The following TENM4 variants were observed in gnomAD, a reference collection of about 807,000 sequenced individuals.
TENM4 encodes the protein teneurin transmembrane protein 4.
In TENM4, 82 loss-of-function variants were observed where a neutral mutation model predicts 243.3. The ratio of observed to expected loss-of-function variants is 0.34; its 90% CI spans 0.28 to 0.40. The LOEUF is 0.40. TENM4 is among the 10% of genes least tolerant of loss of function. TENM4 has a pLI of 1.00. For missense variants in TENM4, 3,138 were observed against 3,673.3 expected (o/e 0.85, Z 3.77); for synonymous variants, 1,412 against 1,456.3 (o/e 0.97, Z 0.69).
Position 79,164,957 on chromosome 11 carries a change from A to ATATGTGTGTG in TENM4, c.-162-16152_-162-16151insCACACACATA, listed in dbSNP as rs1555020448. On this transcript the variant is annotated intron_variant, in intron 3 of 33. Coordinates refer to ENST00000278550, the MANE Select transcript of TENM4 (RefSeq NM_001098816.3). ...GAAAATGGACTAATACTATATATAT[A>ATATGTGTGTG]TGTGTGTGTGTGTGTGTGTGTGTGT... Among the ~76,000 whole-genome samples, 235 of 139,928 alleles carry ATATGTGTGTG rather than the reference A, an allele frequency of 1.7e-3. 2 individuals carry two copies. Among genetic ancestry groups the ATATGTGTGTG allele is most frequent in the Non-Finnish European group, 2.9e-3 (186 of 64,610 alleles). The allele number at this position is 139,928 out of a possible 152,430, so 91.8% of individuals were successfully genotyped here.
chr11:78,971,415 G>T (rs1857544742), intron 6 of TENM4, among the ~76,000 whole-genome samples: 1 of 152,010 alleles, frequency 6.6e-6, no homozygotes, highest in African/African-American at 2.4e-5. Context: ...TGTTTCTCCT[G>T]CCTCAGTCTC....
Position 79,331,329 on chromosome 11 carries a change from C to T in TENM4, c.-320-33786G>A, listed in dbSNP as rs142011727. Reference sequence around the variant, plus strand: ...GAGTAAGAGTCTTGAGTTTAGACTCCACTCCCACTGCTCACAGCTGTGTGA... The same window carrying T: ...GAGTAAGAGTCTTGAGTTTAGACTCTACTCCCACTGCTCACAGCTGTGTGA... On this transcript the variant is annotated intron_variant, in intron 1 of 33. Transcript: ENST00000278550. 3.4e-3 allele frequency among the ~76,000 whole-genome samples: 517 copies of T among 152,194 alleles called. 1 individual carries two copies. The highest frequency in any genetic ancestry group is 0.012 in the African/African-American group (486 of 41,516).
intron 2 of TENM4, among the ~76,000 whole-genome samples, chr11:79,262,274 G>T (rs1190798627): frequency 6.6e-6 from 1 of 152,162 alleles, no homozygotes; most frequent in Non-Finnish European, 1.5e-5. Flanking sequence ...CTGAGAGGTT[G>T]CAAAGTGCTG....
At chr11:79,395,903 A>G (rs1320882975) in intron 1 of TENM4, among the ~76,000 whole-genome samples, 1 of 152,228 alleles carries the variant, frequency 6.6e-6, no homozygotes, top group Non-Finnish European at 1.5e-5. Context: ...TTGAGCAGCC[A>G]AAGAGCTAGT....
At chr11:78,828,569 T>C (rs919325595) in intron 12 of TENM4, among the ~76,000 whole-genome samples, 3 of 152,260 alleles carry the variant, frequency 2.0e-5, no homozygotes, top group Non-Finnish European at 4.4e-5. Context: ...ATTTATCTAC[T>C]AGGTAACACT....
intron 1 of TENM4, among the ~76,000 whole-genome samples, chr11:79,390,306 G>A (rs1858205572): frequency 6.6e-6 from 1 of 152,182 alleles, no homozygotes; most frequent in South Asian, 2.1e-4. Context: ...GTACTCCAAG[G>A]CCTGTGCCAG....
At chr11:78,754,577 T>C (rs545787759) in intron 19 of TENM4, among the ~76,000 whole-genome samples, 26 of 152,244 alleles carry the variant, frequency 1.7e-4, no homozygotes, top group African/African-American at 6.3e-4. Context: ...CAAGTGACAA[T>C]TTCCTTGGTA....
At chr11:78,778,555 AAC>A (rs770223845) in intron 17 of TENM4, 45 bp downstream of exon 17, 18 of 1,586,834 alleles carry the variant, frequency 1.1e-5, no homozygotes, top group Admixed American at 1.7e-5. Context: ...CTCATACACA[AAC>A]ACACACACAA....
intron 4 of TENM4, among the ~76,000 whole-genome samples, chr11:79,112,912 G>C (rs192967651): frequency 6.6e-6 from 1 of 152,054 alleles, no homozygotes; most frequent in Non-Finnish European, 1.5e-5. Context: ...CCAACAAGCC[G>C]TTCATATTGA....
chr11:79,235,951 T>C (rs1310020791), intron 2 of TENM4, among the ~76,000 whole-genome samples: 5 of 152,122 alleles, frequency 3.3e-5, no homozygotes, highest in Non-Finnish European at 5.9e-5. Context: ...AGCTCTTCCT[T>C]CTGTGCATTC....
chr11:79,250,805 T>G (rs1855597454), intron 2 of TENM4, among the ~76,000 whole-genome samples: 1 of 152,220 alleles, frequency 6.6e-6, no homozygotes, highest in African/African-American at 2.4e-5. Flanking sequence ...AGCTTAAACT[T>G]TCAATTGCTT....
At chr11:79,306,241 C>T (rs1856624165) in intron 1 of TENM4, among the ~76,000 whole-genome samples, 1 of 152,210 alleles carries the variant, frequency 6.6e-6, no homozygotes, top group Admixed American at 6.5e-5. Context: ...CACAGCTGTT[C>T]TGTAACCCAA....
intron 4 of TENM4, among the ~76,000 whole-genome samples, chr11:79,136,612 A>G (rs890915012): frequency 6.6e-6 from 1 of 152,036 alleles, no homozygotes; most frequent in Non-Finnish European, 1.5e-5. Context: ...CTCTTCCATC[A>G]TGGAAAAGGC....
At chr11:79,164,245 A>T (rs1301448142) in intron 3 of TENM4, among the ~76,000 whole-genome samples, 1 of 110,330 alleles carries the variant, frequency 9.1e-6, no homozygotes, top group Non-Finnish European at 1.6e-5. Flanking sequence ...CAGTATATAT[A>T]GTATATATAG....
chr11:79,118,931 A>G (rs1432355272), intron 4 of TENM4, among the ~76,000 whole-genome samples: 1 of 152,166 alleles, frequency 6.6e-6, no homozygotes, highest in Non-Finnish European at 1.5e-5. Flanking sequence ...CAGAAGTACA[A>G]TTGCTGGATC....
chr11:78,932,593 T>G (rs1210711036), intron 6 of TENM4, among the ~76,000 whole-genome samples: 2 of 152,196 alleles, frequency 1.3e-5, no homozygotes, highest in African/African-American at 2.4e-5. Context: ...TGTTGCAGTT[T>G]CCTTATCTGC....
chr11:79,350,753 C>G (rs1590900893), intron 1 of TENM4, among the ~76,000 whole-genome samples: 1 of 152,134 alleles, frequency 6.6e-6, no homozygotes. Flanking sequence ...TCACAGTCTT[C>G]TAACTTCTAA....
intron 1 of TENM4, among the ~76,000 whole-genome samples, chr11:79,393,021 C>T (rs564703872): frequency 1.3e-5 from 2 of 152,238 alleles, no homozygotes; most frequent in Admixed American, 1.3e-4. Flanking sequence ...ATTTCCCAAA[C>T]CCCCCACAGT....
intron 6 of TENM4, among the ~76,000 whole-genome samples, chr11:78,980,482 A>C (rs968962115): frequency 1.3e-5 from 2 of 152,246 alleles, no homozygotes; most frequent in African/African-American, 4.8e-5. Context: ...TATAAGCTCA[A>C]GCTGTGGAAC....
Sources: gnomAD v4.1 joint callset for allele counts (sites outside exome capture counted in the v4.1 genomes callset) on GRCh38, gnomAD v4.1.1 for gene constraint, MANE v1.5 for transcripts, NCBI Gene and HGNC (gene_info 2026-07-23, HGNC 2026-07-21) for gene names.